ABCA10: variants seen among roughly 807,000 people sequenced by gnomAD.
The protein encoded by ABCA10 is ATP binding cassette subfamily A member 10, also known as ATP-binding cassette sub-family A member 10.
Under a neutral mutation model 187.5 loss-of-function variants are expected in ABCA10, and 169 were observed. The observed-to-expected ratio is 0.90, with a 90% CI of 0.80 to 1.02. ABCA10 has a LOEUF of 1.02. Among genes scored for constraint, ABCA10 ranks in the 50% least tolerant of loss-of-function variants. The probability of loss-of-function intolerance (pLI) is 0.00; values close to 1 mark genes in which losing one functional copy is unlikely to be tolerated. For missense variants in ABCA10, 1,727 were observed against 1,812.4 expected (o/e 0.95, Z 0.86); for synonymous variants, 574 against 601.8 (o/e 0.95, Z 0.68).
At chr17:69,224,367 C>G (rs1021477684) in intron 3 of ABCA10, among the ~76,000 whole-genome samples, 1 of 151,948 alleles carries the variant, frequency 6.6e-6, no homozygotes, top group East Asian at 1.9e-4. Flanking sequence ...TGTTCAGAAC[C>G]CTGGCAGAAT....
At chr17:69,223,419 A>C (rs1409615611) in intron 3 of ABCA10, among the ~76,000 whole-genome samples, 1 of 152,218 alleles carries the variant, frequency 6.6e-6, no homozygotes, top group Non-Finnish European at 1.5e-5. Flanking sequence ...TGCATAAATG[A>C]ATGAGTTTAC....
intron 18 of ABCA10, among the ~76,000 whole-genome samples, chr17:69,189,636 C>G (rs2074445778): frequency 6.6e-6 from 1 of 152,046 alleles, no homozygotes; most frequent in African/African-American, 2.4e-5. Flanking sequence ...GTTTTCTTCT[C>G]AGGTTTTTAT....
intron 27 of ABCA10, among the ~76,000 whole-genome samples, chr17:69,163,259 G>A (rs902304616): frequency 6.6e-5 from 10 of 152,126 alleles, no homozygotes; most frequent in Non-Finnish European, 1.2e-4. Context: ...AGATTGAGGG[G>A]TGTCAAAAAG....
rs2074136360 is a variant in ABCA10, at chr17:69,152,394, G to A, written c.4224C>T (p.Asp1408=). 2.5e-6 allele frequency: 4 copies of A among 1,613,982 alleles called. No homozygotes were observed. The highest frequency in any genetic ancestry group is 2.2e-5 in the East Asian group (1 of 44,850). Residue 1408 remains aspartate, a synonymous_variant, in exon 35 of 39, where the codon GAC becomes GAT. Coordinates refer to ENST00000690296, the MANE Select transcript of ABCA10 (RefSeq NM_001377321.1). The part of the protein sequence containing the change: ...HYMSEAEAVC[D]RMAMMVSGTL... ...TTCCTGACACCATCATGGCCATACGGTCACACACAGCCTCAGCCTCTGACA... is the reference window on the plus strand; with the variant it reads ...TTCCTGACACCATCATGGCCATACGATCACACACAGCCTCAGCCTCTGACA...
intron 3 of ABCA10, among the ~76,000 whole-genome samples, chr17:69,223,443 A>G (rs1245927000): frequency 6.6e-6 from 1 of 152,208 alleles, no homozygotes; most frequent in Admixed American, 6.5e-5. Flanking sequence ...CTGCAGGAGT[A>G]ATCCACCCAC....
intron 9 of ABCA10, among the ~76,000 whole-genome samples, chr17:69,203,507 T>A (rs554647411): frequency 6.6e-6 from 1 of 152,262 alleles, no homozygotes; most frequent in East Asian, 1.9e-4. Flanking sequence ...AACTTCTACA[T>A]AATTAACCAC....
chr17:69,176,935 C>G (rs1409422894), intron 22 of ABCA10, among the ~76,000 whole-genome samples: 2 of 152,020 alleles, frequency 1.3e-5, no homozygotes, highest in South Asian at 2.1e-4. Context: ...CCTTTTTTCT[C>G]CTTTATATCC....
chr17:69,173,230 C>T (rs1217892371), intron 25 of ABCA10, among the ~76,000 whole-genome samples: 1 of 152,138 alleles, frequency 6.6e-6, no homozygotes, highest in Non-Finnish European at 1.5e-5. Context: ...ATTGATAAAA[C>T]TGGCCCAAGG....
rs1343043475 is a variant in ABCA10, at chr17:69,153,893, G to T, written c.3903C>A (p.His1301Gln). 5.0e-6 allele frequency: 8 copies of T among 1,613,948 alleles called. No homozygotes were observed. The highest frequency in any genetic ancestry group is 6.8e-6 in the Non-Finnish European group (8 of 1,180,000). The change falls in exon 32 of 39, where the codon CAC (histidine) becomes CAA (glutamine). Residue 1301 changes from histidine (H) to glutamine (Q), a missense_variant. By Grantham distance (24) the His-to-Gln change is conservative. Transcript: ENST00000690296. The stretch of plus-strand genomic sequence containing the variant: ...CTTTCACAGCTGCATACAACTCCAA[G>T]TGCTCTTTCATTGTAAGCTTGGGCC... ...SLWPKLTMKE[H>Q]LELYAAVKGL...
At position 69,149,030 on chromosome 17, in the gene ABCA10, C is replaced by T; in HGVS notation, c.4533+3G>A. On this transcript the variant is annotated splice_donor_region_variant and intron_variant, in intron 38 of 38. Coordinates refer to ENST00000690296, the MANE Select transcript of ABCA10 (RefSeq NM_001377321.1). ...GGTGCTCACTCGTTCAATGAAAACC[C>T]ACCTGCTCCAAGGTAGCCTGAGAGA... 4.3e-6 allele frequency: 7 copies of T among 1,613,402 alleles called. No homozygotes were observed. Among genetic ancestry groups the T allele is most frequent in the Non-Finnish European group, 5.9e-6 (7 of 1,179,810 alleles).
chr17:69,167,717 A>C (rs1342715072), intron 25 of ABCA10, among the ~76,000 whole-genome samples: 1 of 152,182 alleles, frequency 6.6e-6, no homozygotes, highest in Admixed American at 6.6e-5. Flanking sequence ...AGACAATCTG[A>C]AAGAAGGATT....
intron 9 of ABCA10, among the ~76,000 whole-genome samples, chr17:69,212,517 A>C (rs1030771855): frequency 1.3e-5 from 2 of 152,102 alleles, no homozygotes; most frequent in Admixed American, 1.3e-4. Flanking sequence ...TTCTTTGTTA[A>C]CTTTCTATCT....
intron 1 of ABCA10, among the ~76,000 whole-genome samples, chr17:69,236,043 G>A (rs2074868155): frequency 6.6e-6 from 1 of 152,048 alleles, no homozygotes; most frequent in South Asian, 2.1e-4. Context: ...AGCTGCATGG[G>A]AATAACCATG....
intron 25 of ABCA10, among the ~76,000 whole-genome samples, chr17:69,170,223 G>C (rs768193662): frequency 1.5e-4 from 23 of 151,144 alleles, no homozygotes; most frequent in Non-Finnish European, 2.7e-4. Flanking sequence ...GCGAGGTGAA[G>C]GTTGCAGTGA....
intron 37 of ABCA10, 177 bp from the exon 38 acceptor site, chr17:69,149,265 G>A (rs922047733): frequency 3.2e-6 from 2 of 630,418 alleles, no homozygotes. Flanking sequence ...AGATAGCCAT[G>A]CATGAACATA....
intron 26 of ABCA10, among the ~76,000 whole-genome samples, chr17:69,164,694 G>A (rs555777189): frequency 7.2e-5 from 11 of 152,224 alleles, no homozygotes; most frequent in African/African-American, 2.6e-4. Flanking sequence ...TTTTAGTCCT[G>A]TCTCAGAATC....
At chr17:69,213,447 G>A (rs2074676039) in intron 9 of ABCA10, among the ~76,000 whole-genome samples, 2 of 152,142 alleles carry the variant, frequency 1.3e-5, no homozygotes, top group South Asian at 4.1e-4. Context: ...ACGGTGTTAT[G>A]TTCCCAGGGG....
chr17:69,192,769 T>C (rs990576722), intron 15 of ABCA10, 116 bp from the exon 16 acceptor site: 2 of 897,498 alleles, frequency 2.2e-6, no homozygotes, highest in African/African-American at 3.3e-5. Flanking sequence ...ACAACTGTAA[T>C]ATCATTAAGC....
chr17:69,196,980 G>A (rs984281355), intron 11 of ABCA10, 84 bp downstream of exon 11: 78 of 979,410 alleles, frequency 8.0e-5, no homozygotes, highest in Middle Eastern at 3.5e-4. Flanking sequence ...TCCAGCCTCC[G>A]CTTGGCATCA....
Sources: allele counts gnomAD v4.1 joint callset (sites outside exome capture counted in the v4.1 genomes callset), GRCh38; gene constraint gnomAD v4.1.1; transcripts MANE v1.5; gene names NCBI Gene and HGNC (gene_info 2026-07-23, HGNC 2026-07-21).